Variants in KIF6 observed in about 807,000 individuals in gnomAD.
KIF6 encodes kinesin family member 6.
In KIF6, 106 loss-of-function variants were observed where a neutral mutation model predicts 112.7. That is an observed-to-expected ratio of 0.94 (90% CI 0.80 to 1.11). The LOEUF (loss-of-function observed/expected upper bound fraction) is 1.11. Among genes scored for constraint, KIF6 ranks in the 50% least tolerant of loss-of-function variants. The probability of loss-of-function intolerance (pLI) is 0.00; values close to 1 mark genes in which losing one functional copy is unlikely to be tolerated. For synonymous variants in KIF6, 339 were observed against 339.9 expected (o/e 1.00, Z 0.03); for missense variants, 929 against 964.0 (o/e 0.96, Z 0.48).
At chr6:39,713,044 T>C (rs527449946) in intron 3 of KIF6, among the ~76,000 whole-genome samples, 1 of 152,184 alleles carries the variant, frequency 6.6e-6, no homozygotes, top group Non-Finnish European at 1.5e-5. Context: ...AATAAGGTAC[T>C]GCAGGAAGGC....
intron 9 of KIF6, among the ~76,000 whole-genome samples, chr6:39,579,248 C>G (rs1781152250): frequency 6.6e-6 from 1 of 152,068 alleles, no homozygotes; most frequent in Non-Finnish European, 1.5e-5. Flanking sequence ...GTAATATTGA[C>G]AGGTACTTTC....
At chr6:39,638,350 G>A (rs1784734133) in intron 4 of KIF6, among the ~76,000 whole-genome samples, 1 of 152,070 alleles carries the variant, frequency 6.6e-6, no homozygotes, top group African/African-American at 2.4e-5. Flanking sequence ...TGTACCTCCA[G>A]TGATCTTTCT....
At chr6:39,344,693 G>A (rs1763575232) in intron 21 of KIF6, among the ~76,000 whole-genome samples, 1 of 151,888 alleles carries the variant, frequency 6.6e-6, no homozygotes, top group Non-Finnish European at 1.5e-5. Flanking sequence ...CCTTAACCTG[G>A]GGCCCATCAA....
chr6:39,402,894 G>A (rs9369114), intron 15 of KIF6, among the ~76,000 whole-genome samples: 21,345 of 152,138 alleles, frequency 0.14, 1,633 homozygotes, highest in East Asian at 0.23. Flanking sequence ...AGTCCTCATC[G>A]TAGAAGCCCT....
chr6:39,500,939 T>C (rs1581991178), intron 13 of KIF6, among the ~76,000 whole-genome samples: 1 of 151,830 alleles, frequency 6.6e-6, no homozygotes, highest in South Asian at 2.1e-4. Context: ...ATATAAGAAA[T>C]GTAGCAAGAT....
intron 16 of KIF6, among the ~76,000 whole-genome samples, chr6:39,369,332 G>A (rs143342598): frequency 1.4e-3 from 212 of 152,198 alleles, no homozygotes; most frequent in African/African-American, 4.0e-3. Flanking sequence ...ATGACCCTGC[G>A]GACACATGGC....
At chr6:39,406,946 G>A (rs1769130634) in intron 15 of KIF6, among the ~76,000 whole-genome samples, 1 of 152,006 alleles carries the variant, frequency 6.6e-6, no homozygotes, top group South Asian at 2.1e-4. Context: ...TGGTAGAGAT[G>A]GGGTCTCACT....
intron 13 of KIF6, among the ~76,000 whole-genome samples, chr6:39,450,344 T>C (rs780718651): frequency 4.6e-5 from 7 of 152,218 alleles, no homozygotes; most frequent in Non-Finnish European, 1.0e-4. Flanking sequence ...CATTATCCTA[T>C]AGGAGCTCAG....
At chr6:39,498,366 G>T (rs948310875) in intron 13 of KIF6, among the ~76,000 whole-genome samples, 1 of 152,174 alleles carries the variant, frequency 6.6e-6, no homozygotes, top group African/African-American at 2.4e-5. Flanking sequence ...ACAGAGAGTT[G>T]CGGGTGAGGA....
At chr6:39,395,143 C>T (rs556332020) in intron 15 of KIF6, among the ~76,000 whole-genome samples, 30 of 152,318 alleles carry the variant, frequency 2.0e-4, no homozygotes, top group African/African-American at 6.7e-4. Context: ...ATTTCTTTTG[C>T]TGTGGGATAT....
intron 14 of KIF6, among the ~76,000 whole-genome samples, chr6:39,427,461 C>A (rs1424548656): frequency 6.6e-6 from 1 of 152,188 alleles, no homozygotes; most frequent in East Asian, 1.9e-4. Flanking sequence ...TAATTCAATA[C>A]TCTCCATCAA....
Position 39,634,956 on chromosome 6 carries a change from G to A in KIF6, c.402C>T (p.Asp134=), listed in dbSNP as rs774248223. 2 of 1,541,822 alleles carry A rather than the reference G, an allele frequency of 1.3e-6. No homozygotes were observed. Among genetic ancestry groups the A allele is most frequent in the East Asian group, 4.5e-5 (2 of 44,420 alleles). The change falls in exon 5 of 23, where the codon GAC becomes GAT. Residue 134 remains aspartate (D), a splice_region_variant and synonymous_variant. Coordinates refer to ENST00000287152, the MANE Select transcript of KIF6 (RefSeq NM_145027.6). The part of the protein sequence containing the change: ...LSYIFEQLQK[D]SSKIYTTHIS... The stretch of plus-strand genomic sequence containing the variant: ...TGTGTGTTGTATATATTTTGCTGCT[G>A]TCCTGATTGGAAAAGGGAAAGGTAT...
chr6:39,337,203 C>CTTTCTTTCTTTCTT (rs1562102708), intron 22 of KIF6, among the ~76,000 whole-genome samples: 1 of 93,406 alleles, frequency 1.1e-5, no homozygotes, highest in South Asian at 3.1e-4. Flanking sequence ...TTCTTTCTTT[C>CTTTCTTTCTTTCTT]TTTCTTTCTT....
Position 39,330,202 on chromosome 6 carries a change from G to A in KIF6, c.*6330C>T, listed in dbSNP as rs963182216. Reference sequence around the variant, plus strand: ...GGACTGACTAGGAAGCCCTAAAACAGCTTCATAGGCATAAGTCCTAGAGCA... The same window carrying A: ...GGACTGACTAGGAAGCCCTAAAACAACTTCATAGGCATAAGTCCTAGAGCA... On this transcript the variant is annotated 3_prime_UTR_variant, in exon 23 of 23. Coordinates refer to ENST00000287152, the MANE Select transcript of KIF6 (RefSeq NM_145027.6). The A allele has an allele frequency of 7.9e-5, 12 of 152,150 alleles. No homozygotes were observed. The highest frequency in any genetic ancestry group is 2.9e-4 in the African/African-American group (12 of 41,422). The allele number at this position is 152,150 out of a possible 1,614,324, so 9.4% of individuals were successfully genotyped here.
chr6:39,614,513 G>C (rs1344062273), intron 5 of KIF6, among the ~76,000 whole-genome samples: 1 of 151,992 alleles, frequency 6.6e-6, no homozygotes, highest in Admixed American at 6.6e-5. Flanking sequence ...AAGTTATCTG[G>C]ACTTTCATAT....
At chr6:39,607,311 C>A (rs1782946495) in intron 6 of KIF6, among the ~76,000 whole-genome samples, 1 of 151,974 alleles carries the variant, frequency 6.6e-6, no homozygotes, top group Admixed American at 6.6e-5. Context: ...TCATGTAATA[C>A]CATTAAATCA....
chr6:39,403,729 G>A (rs532562036), intron 15 of KIF6, among the ~76,000 whole-genome samples: 1 of 152,296 alleles, frequency 6.6e-6, no homozygotes, highest in South Asian at 2.1e-4. Flanking sequence ...GTTGTCCAAG[G>A]TGTCTGCCCC....
intron 15 of KIF6, among the ~76,000 whole-genome samples, chr6:39,390,700 T>C (rs752942323): frequency 2.0e-5 from 3 of 152,176 alleles, no homozygotes; most frequent in Non-Finnish European, 4.4e-5. Context: ...CTGGTTAATA[T>C]AAACATCAGT....
At chr6:39,358,503 T>C (rs1031739364) in intron 18 of KIF6, among the ~76,000 whole-genome samples, 3 of 152,242 alleles carry the variant, frequency 2.0e-5, no homozygotes, top group Non-Finnish European at 2.9e-5. Context: ...TGGCTTTCGC[T>C]GTCTCTGTAA....
Sources: gnomAD v4.1 joint callset for allele counts (sites outside exome capture counted in the v4.1 genomes callset) on GRCh38, gnomAD v4.1.1 for gene constraint, MANE v1.5 for transcripts, NCBI Gene and HGNC (gene_info 2026-07-23, HGNC 2026-07-21) for gene names.